Variants in FSTL5 observed in about 807,000 individuals in gnomAD.
FSTL5 encodes follistatin-related protein 5.
A neutral mutation model predicts 89.1 loss-of-function variants in FSTL5; 62 were observed. The observed-to-expected ratio is 0.70, with a 90% CI of 0.57 to 0.86. FSTL5 has a LOEUF of 0.86. Ranked by LOEUF, FSTL5 falls within the 40% of genes least tolerant of loss-of-function variation. The pLI, the probability that FSTL5 is intolerant of heterozygous loss-of-function variation, is 0.00. For missense variants in FSTL5, 1,057 were observed against 1,001.6 expected (o/e 1.06, Z -0.75); for synonymous variants, 383 against 346.2 (o/e 1.11, Z -1.18).
chr4:161,729,845 C>G (rs1739546206), intron 6 of FSTL5, among the ~76,000 whole-genome samples: 1 of 152,138 alleles, frequency 6.6e-6, no homozygotes, highest in Non-Finnish European at 1.5e-5. Context: ...ATTGTATGCT[C>G]TTCTGTACTT....
Position 162,111,497 on chromosome 4 carries a change from T to C in FSTL5, c.-16-85A>G. On this transcript the variant is annotated intron_variant, in intron 1 of 15. Transcript: ENST00000306100. ...ATCATGAAATATTTAATATCACATA[T>C]AAATCTCCATTAATCTAATCAAAAC... is the stretch of plus-strand genomic sequence containing the variant. 4 of 1,065,424 alleles carry C rather than the reference T, an allele frequency of 3.8e-6. No individual in the cohort carries two copies. In the South Asian group the frequency reaches 5.7e-5, roughly 15 times the overall value. The allele number at this position is 1,065,424 out of a possible 1,614,324, so 66.0% of individuals were successfully genotyped here. A position where few individuals can be genotyped will look rare whatever the true frequency, so the allele number is the denominator to read the frequency against.
chr4:161,464,466 T>C (rs1256852788), intron 13 of FSTL5, among the ~76,000 whole-genome samples: 1 of 152,154 alleles, frequency 6.6e-6, no homozygotes, highest in Non-Finnish European at 1.5e-5. Context: ...TCTCCTCAGC[T>C]TTCCCAAGCC....
intron 4 of FSTL5, among the ~76,000 whole-genome samples, chr4:161,836,983 A>G: frequency 6.6e-6 from 1 of 152,104 alleles, no homozygotes; most frequent in East Asian, 1.9e-4. Context: ...TGAGTTTGAG[A>G]CATCTATGTG....
intron 6 of FSTL5, among the ~76,000 whole-genome samples, chr4:161,758,433 T>C (rs1740654671): frequency 6.6e-6 from 1 of 152,326 alleles, no homozygotes; most frequent in Admixed American, 6.5e-5. Flanking sequence ...AAATTTACTT[T>C]GTCTTTCTTT....
chr4:161,987,868 C>T lies in FSTL5; in HGVS notation c.160+45757G>A, dbSNP rs73861005. Among the ~76,000 whole-genome samples, 913 of 151,518 alleles carry T rather than the reference C, an allele frequency of 6.0e-3. 8 individuals are homozygous for T. The highest frequency in any genetic ancestry group is 0.021 in the African/African-American group (856 of 41,396). ...GCCATCTTACTTGACTTCAAGAGAC[C>T]ACTAAGACAGAGTCTACCAAATAAA... On this transcript the variant is annotated intron_variant, in intron 3 of 15. Coordinates refer to ENST00000306100, the MANE Select transcript of FSTL5 (RefSeq NM_020116.5).
chr4:161,672,929 T>G lies in FSTL5; in HGVS notation c.728-16435A>C, dbSNP rs375503890. 3.8e-4 allele frequency among the ~76,000 whole-genome samples: 58 copies of G among 152,148 alleles called. 5 individuals carry two copies. In the South Asian group the frequency reaches 0.012, roughly 32 times the overall value. ...TCATACCATCATCTAGACATAATTTTTTTAAAATATCACTGCCTTGAAACT... is the reference window on the plus strand; with the variant it reads ...TCATACCATCATCTAGACATAATTTGTTTAAAATATCACTGCCTTGAAACT... On this transcript the variant is annotated intron_variant, in intron 6 of 15. Transcript: ENST00000306100.
intron 4 of FSTL5, among the ~76,000 whole-genome samples, chr4:161,837,533 G>A (rs1316517728): frequency 6.6e-6 from 1 of 151,946 alleles, no homozygotes; most frequent in East Asian, 1.9e-4. Context: ...TGAAAAAATA[G>A]CAAGAAATTT....
chr4:162,028,177 T>C (rs1560978758), intron 3 of FSTL5, among the ~76,000 whole-genome samples: 1 of 152,208 alleles, frequency 6.6e-6, no homozygotes, highest in African/African-American at 2.4e-5. Flanking sequence ...TTATAAGTAT[T>C]GAGTATAATA....
chr4:161,741,918 T>C (rs1021917694), intron 6 of FSTL5, among the ~76,000 whole-genome samples: 4 of 152,006 alleles, frequency 2.6e-5, no homozygotes, highest in African/African-American at 7.2e-5. Flanking sequence ...TTTTAATAAG[T>C]AGGCAAGTCC....
intron 6 of FSTL5, among the ~76,000 whole-genome samples, chr4:161,753,065 G>A (rs894825439): frequency 6.6e-6 from 1 of 152,052 alleles, no homozygotes; most frequent in Admixed American, 6.5e-5. Context: ...CCACTAAGAC[G>A]GTTCTGAAGT....
intron 3 of FSTL5, among the ~76,000 whole-genome samples, chr4:161,981,690 G>A (rs137921899): frequency 2.0e-5 from 3 of 152,154 alleles, no homozygotes; most frequent in Admixed American, 2.0e-4. Flanking sequence ...CTTTTTAAAT[G>A]TACTTTGAAA....
intron 1 of FSTL5, among the ~76,000 whole-genome samples, chr4:162,133,377 A>C (rs1367707471): frequency 6.6e-6 from 1 of 152,174 alleles, no homozygotes; most frequent in African/African-American, 2.4e-5. Flanking sequence ...AGGTCACCCT[A>C]AAACTCAGCT....
At chr4:162,104,427 G>A (rs1302569929) in intron 2 of FSTL5, among the ~76,000 whole-genome samples, 1 of 152,174 alleles carries the variant, frequency 6.6e-6, no homozygotes, top group Non-Finnish European at 1.5e-5. Flanking sequence ...CTTGGAAGCG[G>A]CCCGCCACCA....
intron 8 of FSTL5, among the ~76,000 whole-genome samples, chr4:161,582,909 C>T (rs1009817708): frequency 3.3e-5 from 5 of 152,046 alleles, no homozygotes; most frequent in Admixed American, 6.6e-5. Context: ...CTGTCTCAGC[C>T]GGGTGTGGTG....
chr4:161,826,226 T>C (rs1480968947), intron 4 of FSTL5, among the ~76,000 whole-genome samples: 1 of 152,158 alleles, frequency 6.6e-6, no homozygotes, highest in East Asian at 1.9e-4. Context: ...AATTTTATTC[T>C]CCTGTGGTCT....
intron 1 of FSTL5, among the ~76,000 whole-genome samples, chr4:162,119,617 A>G (rs915542176): frequency 6.6e-6 from 1 of 152,230 alleles, no homozygotes; most frequent in African/African-American, 2.4e-5. Flanking sequence ...TAGAATGATT[A>G]GATCAGGGTA....
chr4:161,573,733 C>CAAAAAAAAAAAAAAAAAAAAAAAAAGAA (rs70937664), intron 8 of FSTL5, among the ~76,000 whole-genome samples: 1 of 50,622 alleles, frequency 2.0e-5, no homozygotes, highest in Non-Finnish European at 3.4e-5. Flanking sequence ...AACTCCAGCT[C>CAAAAAAAAAAAAAAAAAAAAAAAAAGAA]AAAAAAAAAA....
Position 162,101,410 on chromosome 4 carries a change from C to G in FSTL5, c.126+9861G>C, listed in dbSNP as rs182313359. Among the ~76,000 whole-genome samples the G allele has an allele frequency of 2.0e-5, 3 of 152,108 alleles. No individual in the cohort carries two copies. The East Asian group carries it at 5.8e-4, about 29-fold the overall frequency. On this transcript the variant is annotated intron_variant, in intron 2 of 15. Transcript: ENST00000306100. Reference sequence around the variant, plus strand: ...AAATAATGAGTGAATGTGCATTGTTCATTGTTAAAAGCTGAACTTAAAGAA... The same window carrying G: ...AAATAATGAGTGAATGTGCATTGTTGATTGTTAAAAGCTGAACTTAAAGAA...
intron 2 of FSTL5, among the ~76,000 whole-genome samples, chr4:162,055,395 A>G (rs1326119146): frequency 6.6e-6 from 1 of 151,710 alleles, no homozygotes; most frequent in Non-Finnish European, 1.5e-5. Context: ...ACAGGAATAC[A>G]TTTAGCAAAG....
Sources: gnomAD v4.1 joint callset for allele counts (sites outside exome capture counted in the v4.1 genomes callset) on GRCh38, gnomAD v4.1.1 for gene constraint, MANE v1.5 for transcripts, NCBI Gene and HGNC (gene_info 2026-07-23, HGNC 2026-07-21) for gene names.